TACC1: variants seen among roughly 807,000 people sequenced by gnomAD.
TACC1 encodes transforming acidic coiled-coil-containing protein 1.
In TACC1, 48 loss-of-function variants were observed where a neutral mutation model predicts 84.4. The observed-to-expected ratio is 0.57, with a 90% CI of 0.45 to 0.72. TACC1 has a LOEUF of 0.72. Among genes scored for constraint, TACC1 ranks in the 30% least tolerant of loss-of-function variants. TACC1 has a pLI of 0.00. For synonymous variants in TACC1, 372 were observed against 376.3 expected, an observed-to-expected ratio of 0.99 and a Z score of 0.13; for missense variants, 920 against 973.0, an observed-to-expected ratio of 0.95 and a Z score of 0.72.
intron 1 of TACC1, among the ~76,000 whole-genome samples, chr8:38,734,389 AC>A (rs959149635): frequency 6.6e-6 from 1 of 152,058 alleles, no homozygotes; most frequent in Non-Finnish European, 1.5e-5. Context: ...ACGGGGTTTC[AC>A]CATGTTGGCC....
At chr8:38,765,886 T>A (rs371329000) in intron 3 of TACC1, among the ~76,000 whole-genome samples, 1 of 152,024 alleles carries the variant, frequency 6.6e-6, no homozygotes, top group Non-Finnish European at 1.5e-5. Context: ...ATTTTTTTTT[T>A]ACCAGCCTAG....
Position 38,731,772 on chromosome 8 carries a change from C to T in TACC1, c.-675+3101C>T, listed in dbSNP as rs77722101. Reference sequence around the variant, plus strand: ...AACAACAACAACAACAACAACAAAACTAGTCTTTAGGGTTGGCATTGCCAA... The same window carrying T: ...AACAACAACAACAACAACAACAAAATTAGTCTTTAGGGTTGGCATTGCCAA... On this transcript the variant is annotated intron_variant, in intron 1 of 14. Coordinates refer to the TACC1 transcript ENST00000518415. 2.6e-3 allele frequency among the ~76,000 whole-genome samples: 327 copies of T among 127,850 alleles called. 2 individuals are homozygous for T. Among genetic ancestry groups the T allele is most frequent in the African/African-American group, 4.9e-3 (171 of 35,036 alleles). 83.9% of individuals were successfully genotyped at this position (127,850 alleles called of 152,430 possible). A position where few individuals can be genotyped will look rare whatever the true frequency, so the allele number is the denominator to read the frequency against.
At chr8:38,824,945 G>C (rs1217442232) in intron 3 of TACC1, among the ~76,000 whole-genome samples, 2 of 152,204 alleles carry the variant, frequency 1.3e-5, no homozygotes, top group Non-Finnish European at 2.9e-5. Context: ...AGCCAAGCGA[G>C]TGAGGCTCAG....
chr8:38,757,557 G>GA lies in TACC1; in HGVS notation c.26+12065dup, dbSNP rs1810345865. On this transcript the variant is annotated intron_variant, in intron 3 of 14. Coordinates refer to the TACC1 transcript ENST00000518415. ...GCACGAGCGCTCGGCAGCGGGGCAC[G>GA]AGAGTTTGGCCAGCAGGGCCCCAGG... 54 of 1,085,008 alleles carry GA rather than the reference G, an allele frequency of 5.0e-5. No individual in the cohort carries two copies. The South Asian group carries it at 9.7e-4, about 19-fold the overall frequency. 67.2% of individuals were successfully genotyped at this position (1,085,008 alleles called of 1,614,324 possible).
intron 2 of TACC1, 141 bp downstream of exon 2, chr8:38,788,960 AT>A: frequency 3.0e-6 from 2 of 662,670 alleles, no homozygotes; most frequent in Non-Finnish European, 5.1e-6. Context: ...CTCCTGGCTT[AT>A]GTATTTTTAG....
At position 38,852,131 on chromosome 8, in the gene TACC1, G is replaced by A. The variant is rs139459223; in HGVS notation, c.*4108G>A. On this transcript the variant is annotated 3_prime_UTR_variant, in exon 13 of 13. Transcript: ENST00000317827. ...CAGAGCTTGCATCCTGGAGACTAAA[G>A]ATTGCACTTTTTTGTAGTTTTTTGT... 1 of 296,976 alleles carries A rather than the reference G, an allele frequency of 3.4e-6. No homozygotes were observed. The highest frequency in any genetic ancestry group is 7.0e-6 in the Non-Finnish European group (1 of 143,814). The allele number at this position is 296,976 out of a possible 1,614,324, so 18.4% of individuals were successfully genotyped here.
chr8:38,767,153 A>G (rs1587434333), intron 3 of TACC1, among the ~76,000 whole-genome samples: 2 of 152,334 alleles, frequency 1.3e-5, no homozygotes, highest in Non-Finnish European at 2.9e-5. Flanking sequence ...TTCTATGGCT[A>G]CATCAGAATT....
At chr8:38,752,299 G>A (rs554016487) in intron 3 of TACC1, among the ~76,000 whole-genome samples, 3 of 152,134 alleles carry the variant, frequency 2.0e-5, no homozygotes, top group East Asian at 3.9e-4. Flanking sequence ...GTGAGACCCC[G>A]TCTCTACTAA....
intron 3 of TACC1, among the ~76,000 whole-genome samples, chr8:38,771,477 A>G (rs1054768068): frequency 6.6e-6 from 1 of 152,208 alleles, no homozygotes; most frequent in Non-Finnish European, 1.5e-5. Flanking sequence ...CATAAGTACC[A>G]TTTGGAGGAG....
At chr8:38,778,600 C>T (rs930164750) in intron 3 of TACC1, among the ~76,000 whole-genome samples, 1 of 152,156 alleles carries the variant, frequency 6.6e-6, no homozygotes, top group Admixed American at 6.5e-5. Context: ...TGCATGGGCC[C>T]CTTCATACTA....
chr8:38,803,604 G>T (rs1821936994), intron 2 of TACC1, among the ~76,000 whole-genome samples: 1 of 152,170 alleles, frequency 6.6e-6, no homozygotes, highest in African/African-American at 2.4e-5. Context: ...GCATTCCTGG[G>T]ATAGATCCTG....
rs1363978827 is a variant in TACC1 at position 38,827,154 on chromosome 8, G to A, written c.1453-14G>A. The stretch of plus-strand genomic sequence containing the variant: ...CCTCCTAAAGGGTAGCATCTTCTCT[G>A]TTGTGTTTCTCAGGATGAAGGGGCA... On this transcript the variant is annotated splice_polypyrimidine_tract_variant and intron_variant, in intron 4 of 12. Coordinates refer to ENST00000317827, the MANE Select transcript of TACC1 (RefSeq NM_006283.3). 28 of 1,611,048 alleles carry A rather than the reference G, an allele frequency of 1.7e-5. No individual in the cohort carries two copies. Among genetic ancestry groups the A allele is most frequent in the Non-Finnish European group, 2.4e-5 (28 of 1,178,738 alleles).
Position 38,820,015 on chromosome 8 carries a change from A to C in TACC1, c.771A>C (p.Thr257=). Residue 257 remains threonine (T), a synonymous_variant, in exon 3 of 13, where the codon ACA becomes ACC. Coordinates refer to ENST00000317827, the MANE Select transcript of TACC1 (RefSeq NM_006283.3). The part of the protein sequence containing the change: ...FSDTNAAVEG[T]PLPKASYHFS... ...ACACCAACGCTGCTGTGGAGGGCACACCTCTCCCCAAGGCATCCTATCACT... is the reference window on the plus strand; with the variant it reads ...ACACCAACGCTGCTGTGGAGGGCACCCCTCTCCCCAAGGCATCCTATCACT... The C allele has an allele frequency of 6.2e-7, 1 of 1,614,016 alleles. No individual in the cohort carries two copies. The highest frequency in any genetic ancestry group is 1.1e-5 in the South Asian group (1 of 91,086).
Position 38,850,129 on chromosome 8 carries a change from G to A in TACC1, c.*2106G>A, listed in dbSNP as rs981181607. The A allele has an allele frequency of 6.6e-6, 1 of 152,608 alleles. No individual in the cohort carries two copies. The highest frequency in any genetic ancestry group is 6.5e-5 in the Admixed American group (1 of 15,278). The allele number at this position is 152,608 out of a possible 1,614,324, so 9.5% of individuals were successfully genotyped here. On this transcript the variant is annotated 3_prime_UTR_variant, in exon 13 of 13. Transcript: ENST00000317827. Reference sequence around the variant, plus strand: ...TAGCTATGTGTTAAACAGAGGTGATGGCAGCCCTTCCCTAGCACACTGGTG... The same window carrying A: ...TAGCTATGTGTTAAACAGAGGTGATAGCAGCCCTTCCCTAGCACACTGGTG...
At chr8:38,785,450 C>T (rs1476858395), upstream of TACC1, among the ~76,000 whole-genome samples, 2 of 152,094 alleles carry the variant, frequency 1.3e-5, no homozygotes, top group East Asian at 1.9e-4. Context: ...GATTAGAGCA[C>T]GAGTCACTGA....
intron 2 of TACC1, among the ~76,000 whole-genome samples, chr8:38,815,607 TG>T (rs1287213458): frequency 2.6e-5 from 4 of 152,014 alleles, no homozygotes. Flanking sequence ...TTAGTAGAGA[TG>T]GGGTTTCACC....
upstream of TACC1, among the ~76,000 whole-genome samples, chr8:38,786,818 G>A (rs963206084): frequency 1.5e-5 from 2 of 131,762 alleles, no homozygotes; most frequent in African/African-American, 3.0e-5. Flanking sequence ...CAGCGGCCGC[G>A]AAGGTTTGTA....
chr8:38,815,171 A>C (rs570197298), intron 2 of TACC1, among the ~76,000 whole-genome samples: 1 of 152,176 alleles, frequency 6.6e-6, no homozygotes, highest in Non-Finnish European at 1.5e-5. Flanking sequence ...AACCTCTTGT[A>C]TAGGGTTTTC....
intron 3 of TACC1, among the ~76,000 whole-genome samples, chr8:38,761,567 C>G (rs1385774550): frequency 2.6e-5 from 4 of 152,146 alleles, no homozygotes; most frequent in African/African-American, 9.7e-5. Context: ...GACACATGTC[C>G]CTGACACCAA....
Sources: gnomAD v4.1 joint callset for allele counts (sites outside exome capture counted in the v4.1 genomes callset) on GRCh38, gnomAD v4.1.1 for gene constraint, MANE v1.5 for transcripts, NCBI Gene and HGNC (gene_info 2026-07-23, HGNC 2026-07-21) for gene names.